The following HIBCH variants were observed in gnomAD, a reference collection of about 807,000 sequenced individuals.
The protein encoded by HIBCH is 3-hydroxyisobutyryl-CoA hydrolase, mitochondrial.
In HIBCH, 50 loss-of-function variants were observed where a neutral mutation model predicts 58.2. That is an observed-to-expected ratio of 0.86 (90% CI 0.68 to 1.09). HIBCH has a LOEUF of 1.09. Among genes scored for constraint, HIBCH ranks in the 50% least tolerant of loss-of-function variants. The pLI is 0.00. For synonymous variants in HIBCH, 151 were observed against 146.9 expected, an observed-to-expected ratio of 1.03 and a Z score of -0.20; for missense variants, 450 against 449.7, an observed-to-expected ratio of 1.00 and a Z score of -0.01.
chr2:190,308,517 T>C (rs61703068), intron 2 of HIBCH, among the ~76,000 whole-genome samples: 1,547 of 152,222 alleles, frequency 0.01, 31 homozygotes, highest in African/African-American at 0.035. Context: ...AATGGGTTAT[T>C]ATGGGAGTAA....
chr2:190,248,118 G>A (rs1686661171), intron 9 of HIBCH, among the ~76,000 whole-genome samples: 2 of 152,142 alleles, frequency 1.3e-5, no homozygotes, highest in African/African-American at 4.8e-5. Flanking sequence ...ATTGGTATTT[G>A]TCTAAGTTTC....
At chr2:190,317,069 A>G (rs187361936) in intron 1 of HIBCH, among the ~76,000 whole-genome samples, 2 of 152,318 alleles carry the variant, frequency 1.3e-5, no homozygotes, top group Non-Finnish European at 2.9e-5. Flanking sequence ...GTATGCCACC[A>G]TACCCAGCTA....
rs547592784 is a variant in HIBCH, at chr2:190,292,320, T to C, written c.305-1835A>G. 2.0e-5 allele frequency among the ~76,000 whole-genome samples: 3 copies of C among 152,092 alleles called. No individual in the cohort carries two copies. In the East Asian group the frequency reaches 5.8e-4, roughly 29 times the overall value. On this transcript the variant is annotated intron_variant, in intron 4 of 13. Coordinates refer to ENST00000359678, the MANE Select transcript of HIBCH (RefSeq NM_014362.4). Reference sequence around the variant, plus strand: ...TTTCCTGGTTTTTTGGGGTGTTTGTTTTTGAAACGGAGTCTTGCCTTGTCA... The same window carrying C: ...TTTCCTGGTTTTTTGGGGTGTTTGTCTTTGAAACGGAGTCTTGCCTTGTCA...
intron 1 of HIBCH, among the ~76,000 whole-genome samples, chr2:190,194,475 T>TACAC (rs1491294431): frequency 9.1e-4 from 115 of 126,910 alleles, no homozygotes; most frequent in Middle Eastern, 4.0e-3. Context: ...GTATCCTGTG[T>TACAC]ATACACACAC....
intron 6 of HIBCH, among the ~76,000 whole-genome samples, chr2:190,285,703 T>C (rs959182186): frequency 1.3e-5 from 2 of 152,084 alleles, no homozygotes; most frequent in Non-Finnish European, 2.9e-5. Flanking sequence ...CCTACCTACC[T>C]ATGTCCTACC....
rs906048160 is a variant in HIBCH at position 190,254,506 on chromosome 2, C to A, written c.518-2199G>T. Among the ~76,000 whole-genome samples the A allele has an allele frequency of 3.9e-5, 6 of 152,250 alleles. No homozygotes were observed. Among genetic ancestry groups the A allele is most frequent in the African/African-American group, 1.4e-4 (6 of 41,564 alleles). On this transcript the variant is annotated intron_variant, in intron 7 of 13. Coordinates refer to ENST00000359678, the MANE Select transcript of HIBCH (RefSeq NM_014362.4). The surrounding 1 kb of genome is among the most constrained non-coding windows in gnomAD (Gnocchi z 5.0). ...GCAGCCCTAAAAGTTTAATACACTGCGAAATCACTCATGCCTTCTCCCGTG... is the reference window on the plus strand; with the variant it reads ...GCAGCCCTAAAAGTTTAATACACTGAGAAATCACTCATGCCTTCTCCCGTG...
chr2:190,294,022 G>GTATATATATA lies in HIBCH; in HGVS notation c.304+514_304+523dup, dbSNP rs1553505756. ...ATATTTTGTAATATATATTTTGTGT[G>GTATATATATA]TATATATATATATATATATATATAT... On this transcript the variant is annotated intron_variant, in intron 4 of 13. Coordinates refer to ENST00000359678, the MANE Select transcript of HIBCH (RefSeq NM_014362.4). Among the ~76,000 whole-genome samples, 168 of 82,970 alleles carry GTATATATATA rather than the reference G, an allele frequency of 2.0e-3. 1 individual carries two copies. Among genetic ancestry groups the GTATATATATA allele is most frequent in the South Asian group, 0.017 (40 of 2,344 alleles). 54.4% of individuals were successfully genotyped at this position (82,970 alleles called of 152,430 possible). A position where few individuals can be genotyped will look rare whatever the true frequency, so the allele number is the denominator to read the frequency against.
rs573484106 is a variant in HIBCH, at chr2:190,191,907, G to A, written c.*18-1910C>T. Among the ~76,000 whole-genome samples the A allele has an allele frequency of 2.7e-3, 392 of 147,364 alleles. 3 individuals are homozygous for A. The highest frequency in any genetic ancestry group is 4.4e-3 in the Non-Finnish European group (292 of 66,466). ...CTTGCAAATATTTTTTATATTTGCT[G>A]TTTTTTTTTCAATCTTTTAACTGTG... On this transcript the variant is annotated intron_variant, in intron 1 of 1. Coordinates refer to the HIBCH transcript ENST00000399855.
In HIBCH at chr2:190,281,773, T is replaced by C. The variant is rs575084660; in HGVS notation, c.438+5813A>G. ...TTATGTAAGCTATTAAAAGTAGCCA[T>C]GCAGCAGCCTGAATGCTTTGCGGAT... On this transcript the variant is annotated intron_variant, in intron 6 of 13. Coordinates refer to ENST00000359678, the MANE Select transcript of HIBCH (RefSeq NM_014362.4). This position sits in a 1 kb window ranked among gnomAD's most constrained non-coding sequence, Gnocchi z 5.4. Among the ~76,000 whole-genome samples, 8 of 152,352 alleles carry C rather than the reference T, an allele frequency of 5.3e-5. No homozygotes were observed. Among genetic ancestry groups the C allele is most frequent in the African/African-American group, 1.7e-4 (7 of 41,586 alleles).
At chr2:190,257,799 G>C (rs1322882337) in intron 7 of HIBCH, among the ~76,000 whole-genome samples, 1 of 152,094 alleles carries the variant, frequency 6.6e-6, no homozygotes, top group Non-Finnish European at 1.5e-5. Flanking sequence ...AAGGAAAGGG[G>C]GCTGAAGTCA....
downstream of HIBCH, chr2:190,201,858 G>A (rs1030225687): frequency 6.0e-6 from 1 of 166,980 alleles, no homozygotes; most frequent in African/African-American, 2.4e-5. Context: ...ACATTTCCAG[G>A]TCATGAAGAG....
intron 11 of HIBCH, among the ~76,000 whole-genome samples, chr2:190,241,971 G>C (rs1475611296): frequency 6.6e-6 from 1 of 152,042 alleles, no homozygotes; most frequent in South Asian, 2.1e-4. Context: ...GAGCATCTTC[G>C]CGGCGTTCTC....
intron 11 of HIBCH, among the ~76,000 whole-genome samples, chr2:190,226,959 C>A (rs1219052352): frequency 6.6e-6 from 1 of 152,200 alleles, no homozygotes; most frequent in East Asian, 1.9e-4. Context: ...ACATTCCATG[C>A]TCATGGATGG....
intron 1 of HIBCH, among the ~76,000 whole-genome samples, chr2:190,192,141 A>T (rs570282245): frequency 6.2e-4 from 94 of 152,244 alleles, no homozygotes; most frequent in African/African-American, 2.2e-3. Flanking sequence ...AGTATAAGGT[A>T]TAAGTAGATT....
At chr2:190,212,579 T>C (rs1263731722) in intron 12 of HIBCH, among the ~76,000 whole-genome samples, 2 of 152,220 alleles carry the variant, frequency 1.3e-5, no homozygotes, top group Non-Finnish European at 2.9e-5. Flanking sequence ...TTACTTTATA[T>C]ATATATCTGC....
intron 7 of HIBCH, among the ~76,000 whole-genome samples, chr2:190,252,699 G>T (rs184920172): frequency 6.6e-6 from 1 of 151,946 alleles, no homozygotes; most frequent in Admixed American, 6.6e-5. Flanking sequence ...ATAACCTATG[G>T]CCTATTATAG....
rs568317063 is a variant in HIBCH at position 190,243,321 on chromosome 2, A to G, written c.891+1566T>C. The stretch of plus-strand genomic sequence containing the variant: ...TCAGACCCCAAGTTCTTCAGTTTTG[A>G]TACTCAGACTGGTCCTCATTGCTCC... On this transcript the variant is annotated intron_variant, in intron 11 of 13. Coordinates refer to ENST00000359678, the MANE Select transcript of HIBCH (RefSeq NM_014362.4). This position sits in a 1 kb window ranked among gnomAD's most constrained non-coding sequence, Gnocchi z 4.1. Among the ~76,000 whole-genome samples the G allele has an allele frequency of 6.6e-6, 1 of 152,264 alleles. No individual in the cohort carries two copies. Among genetic ancestry groups the G allele is most frequent in the Admixed American group, 6.5e-5 (1 of 15,292 alleles).
chr2:190,290,521 T>A, intron 4 of HIBCH, 36 bp from the exon 5 acceptor site: 6 of 1,283,654 alleles, frequency 4.7e-6, no homozygotes, highest in Non-Finnish European at 6.8e-6. Flanking sequence ...AAAAAAAAGA[T>A]TTAATAGTCA....
intron 1 of HIBCH, among the ~76,000 whole-genome samples, chr2:190,317,741 T>C (rs1373600815): frequency 6.6e-6 from 1 of 152,090 alleles, no homozygotes; most frequent in East Asian, 1.9e-4. Context: ...TAGGTAAGTT[T>C]GAGAATCTAG....
Sources: gnomAD v4.1 joint callset for allele counts (sites outside exome capture counted in the v4.1 genomes callset) on GRCh38, gnomAD v4.1.1 for gene constraint, Gnocchi (gnomAD v3.1) non-coding constraint, MANE v1.5 for transcripts, NCBI Gene and HGNC (gene_info 2026-07-23, HGNC 2026-07-21) for gene names.